The following MRPS5 variants were observed in gnomAD, a reference collection of about 807,000 sequenced individuals.
MRPS5 encodes the protein small ribosomal subunit protein uS5m.
MRPS5 carries 27 observed loss-of-function variants against 51.9 expected under a neutral mutation model. The ratio of observed to expected loss-of-function variants is 0.52; its 90% CI spans 0.38 to 0.72. The LOEUF (loss-of-function observed/expected upper bound fraction) is 0.72, where lower values mean the gene tolerates loss of function less well. Ranked by LOEUF, MRPS5 falls within the 30% of genes least tolerant of loss-of-function variation. The probability of loss-of-function intolerance (pLI) is 0.00; values close to 1 mark genes in which losing one functional copy is unlikely to be tolerated. For missense variants in MRPS5, 570 were observed against 545.7 expected (o/e 1.04, Z -0.44); for synonymous variants, 196 against 193.2 (o/e 1.01, Z -0.12).
intron 11 of MRPS5, 77 bp downstream of exon 11, chr2:95,090,309 C>A: frequency 6.6e-7 from 1 of 1,524,728 alleles, no homozygotes; most frequent in Non-Finnish European, 8.9e-7. Context: ...CCAGGAGGCC[C>A]CAGGGCATCG....
intron 10 of MRPS5, among the ~76,000 whole-genome samples, chr2:95,099,845 T>C (rs1367423901): frequency 1.3e-5 from 2 of 152,216 alleles, no homozygotes; most frequent in Non-Finnish European, 2.9e-5. Flanking sequence ...TAATGTTTCA[T>C]CTCTTCTGAC....
chr2:95,096,016 C>G (rs1230744415), intron 10 of MRPS5, among the ~76,000 whole-genome samples: 1 of 151,992 alleles, frequency 6.6e-6, no homozygotes, highest in Non-Finnish European at 1.5e-5. Context: ...ACCACCAATC[C>G]CACAGAAATA....
intron 11 of MRPS5, among the ~76,000 whole-genome samples, chr2:95,088,138 A>T (rs764775640): frequency 2.2e-4 from 33 of 151,844 alleles, no homozygotes; most frequent in African/African-American, 6.0e-4. Context: ...AAAAAAAAAA[A>T]TTTTTTTTAA....
chr2:95,104,496 G>C (rs1367676249), intron 7 of MRPS5, 144 bp downstream of exon 7: 1 of 791,984 alleles, frequency 1.3e-6, no homozygotes, highest in Admixed American at 2.0e-5. Flanking sequence ...CTTACCACAA[G>C]CTTTGTGAAC....
intron 2 of MRPS5, among the ~76,000 whole-genome samples, chr2:95,116,193 C>T (rs1319043305): frequency 6.6e-6 from 1 of 151,714 alleles, no homozygotes; most frequent in Non-Finnish European, 1.5e-5. Flanking sequence ...TATGAGCCAT[C>T]GCGCCTGGCC....
At chr2:95,116,527 G>A (rs1276016914) in intron 2 of MRPS5, among the ~76,000 whole-genome samples, 11 of 152,154 alleles carry the variant, frequency 7.2e-5, no homozygotes, top group Non-Finnish European at 1.3e-4. Context: ...TGTTTAAAAC[G>A]TGTTATAATT....
intron 10 of MRPS5, 51 bp downstream of exon 10, chr2:95,100,423 T>C (rs1245199357): frequency 1.5e-6 from 2 of 1,358,312 alleles, no homozygotes; most frequent in African/African-American, 1.4e-5. Context: ...GATAGAACTG[T>C]TATAATTTCT....
At chr2:95,109,834 T>G (rs1399499139) in intron 4 of MRPS5, 82 bp downstream of exon 4, 13 of 1,471,248 alleles carry the variant, frequency 8.8e-6, no homozygotes, top group Non-Finnish European at 1.2e-5. Flanking sequence ...AATGTTTTGA[T>G]GCTTCTAGTT....
intron 11 of MRPS5, among the ~76,000 whole-genome samples, chr2:95,090,004 C>T (rs1324129797): frequency 1.3e-5 from 2 of 150,974 alleles, no homozygotes; most frequent in South Asian, 2.1e-4. Context: ...GGTGAAACCC[C>T]GTCTCTACTA....
In MRPS5 at chr2:95,100,893, G is replaced by T; in HGVS notation, c.812C>A (p.Ala271Glu). 6.2e-7 allele frequency: 1 copy of T among 1,605,516 alleles called. No homozygotes were observed. The change falls in exon 9 of 12, where the codon GCA becomes GAA. Residue 271 changes from alanine to glutamate, a missense_variant and splice_region_variant. Coordinates refer to ENST00000272418, the MANE Select transcript of MRPS5 (RefSeq NM_031902.5). ...CAAATGGTGAACTGCTCTGTTCTTT[G>T]CCTGAAAGGAAAATGTTTTTCTTAA... ...ATDRMDAFRK[A>E]KNRAVHHLHY...
At position 95,100,854 on chromosome 2, in the gene MRPS5, C is replaced by A. The variant is rs115258802; in HGVS notation, c.851G>T (p.Arg284Leu). The change falls in exon 9 of 12, where the codon CGA (arginine) becomes CTA (leucine). Residue 284 changes from arginine (R) to leucine (L), a missense_variant. Transcript: ENST00000272418. Reference sequence around the variant, plus strand: ...TCACTCACTTGTATGGTCTTCATATCGTTCTATATAATGCAAATGGTGAAC... The same window carrying A: ...TCACTCACTTGTATGGTCTTCATATAGTTCTATATAATGCAAATGGTGAAC... ...RAVHHLHYIERYEDHTIFHDI... is the reference protein window; with the variant it reads ...RAVHHLHYIELYEDHTIFHDI... The A allele has an allele frequency of 2.5e-5, 40 of 1,602,628 alleles. No individual in the cohort carries two copies. The African/African-American group carries it at 5.4e-4, about 22-fold the overall frequency.
chr2:95,120,852 T>C (rs1676422640), intron 1 of MRPS5, among the ~76,000 whole-genome samples: 1 of 152,168 alleles, frequency 6.6e-6, no homozygotes, highest in African/African-American at 2.4e-5. Flanking sequence ...CCGGGCGTGG[T>C]GGCTCACACC....
chr2:95,091,522 C>A (rs1025177743), intron 10 of MRPS5: 3 of 152,260 alleles, frequency 2.0e-5, no homozygotes, highest in African/African-American at 7.2e-5. Context: ...TTGTTTACCG[C>A]GGTGTCCCCA....
chr2:95,095,921 T>A (rs1377104420), intron 10 of MRPS5, among the ~76,000 whole-genome samples: 2 of 152,136 alleles, frequency 1.3e-5, no homozygotes, highest in African/African-American at 4.8e-5. Flanking sequence ...ATCCAGCAGC[T>A]CATTTTTTGA....
intron 10 of MRPS5, among the ~76,000 whole-genome samples, chr2:95,097,500 G>T (rs1340991401): frequency 6.6e-6 from 1 of 152,098 alleles, no homozygotes; most frequent in Non-Finnish European, 1.5e-5. Context: ...CCAAAACAGA[G>T]ATATAGACCA....
chr2:95,098,655 G>C (rs926891193), intron 10 of MRPS5, among the ~76,000 whole-genome samples: 1 of 151,844 alleles, frequency 6.6e-6, no homozygotes, highest in Non-Finnish European at 1.5e-5. Context: ...CTTGGACACA[G>C]GGTGGGGAAC....
At chr2:95,101,085 A>T (rs1453985600) in intron 8 of MRPS5, among the ~76,000 whole-genome samples, 191 bp from the exon 9 acceptor site, 1 of 152,122 alleles carries the variant, frequency 6.6e-6, no homozygotes, top group Non-Finnish European at 1.5e-5. Flanking sequence ...CCCCTAAAAA[A>T]ATTAACAATA....
chr2:95,100,715 C>T (rs1363015739), intron 9 of MRPS5, 122 bp downstream of exon 9: 2 of 904,026 alleles, frequency 2.2e-6, no homozygotes, highest in Non-Finnish European at 3.3e-6. Flanking sequence ...TTTCACACTT[C>T]ATATATTTGT....
intron 5 of MRPS5, chr2:95,106,687 C>A (rs1221311173): frequency 3.5e-6 from 2 of 569,408 alleles, no homozygotes; most frequent in Non-Finnish European, 6.3e-6. Context: ...TCCTCCCCAT[C>A]CATCTCTCAT....
Sources: gnomAD v4.1 joint callset for allele counts (sites outside exome capture counted in the v4.1 genomes callset) on GRCh38, gnomAD v4.1.1 for gene constraint, MANE v1.5 for transcripts, NCBI Gene and HGNC (gene_info 2026-07-23, HGNC 2026-07-21) for gene names.